The following NALCN variants were observed in gnomAD, a reference collection of about 807,000 sequenced individuals.
The protein encoded by NALCN is sodium leak channel, non-selective.
Under a neutral mutation model 225.3 loss-of-function variants are expected in NALCN, and 111 were observed. That is an observed-to-expected ratio of 0.49 (90% CI 0.42 to 0.58). The LOEUF (loss-of-function observed/expected upper bound fraction) is 0.58. Ranked by LOEUF, NALCN falls within the 20% of genes least tolerant of loss-of-function variation. The pLI is 0.00. For missense variants in NALCN, 1,378 were observed against 2,202.4 expected, an observed-to-expected ratio of 0.63 and a Z score of 7.49; for synonymous variants, 764 against 769.0, an observed-to-expected ratio of 0.99 and a Z score of 0.11.
intron 17 of NALCN, among the ~76,000 whole-genome samples, chr13:101,134,210 C>T (rs369549740): frequency 3.3e-5 from 5 of 152,202 alleles, no homozygotes; most frequent in South Asian, 4.2e-4. Flanking sequence ...CCTATTGTAA[C>T]TTATTTCAAT....
At chr13:101,258,063 C>T (rs944730366) in intron 11 of NALCN, among the ~76,000 whole-genome samples, 2 of 152,130 alleles carry the variant, frequency 1.3e-5, no homozygotes, top group African/African-American at 4.8e-5. Context: ...CTACGTATTG[C>T]TGAGCTGACC....
At position 101,171,229 on chromosome 13, in the gene NALCN, T is replaced by C. The variant is rs372780492; in HGVS notation, c.1839+5071A>G. On this transcript the variant is annotated intron_variant, in intron 15 of 43. Coordinates refer to ENST00000251127, the MANE Select transcript of NALCN (RefSeq NM_052867.4). ...TATAAAAAATATAATTTTTATATAC[T>C]GTTACATATATTACACACATTATGT... 4.0e-5 allele frequency among the ~76,000 whole-genome samples: 6 copies of C among 148,816 alleles called. No individual in the cohort carries two copies. In the South Asian group the frequency reaches 1.3e-3, roughly 32 times the overall value.
intron 15 of NALCN, among the ~76,000 whole-genome samples, chr13:101,173,587 C>T (rs1312421264): frequency 6.6e-6 from 1 of 152,066 alleles, no homozygotes; most frequent in East Asian, 1.9e-4. Flanking sequence ...AAGAATTCAA[C>T]CAATGTCACC....
chr13:101,070,290 TCTC>T (rs1046899743), intron 37 of NALCN, among the ~76,000 whole-genome samples: 48 of 152,124 alleles, frequency 3.2e-4, no homozygotes, highest in African/African-American at 1.2e-3. Flanking sequence ...ATGGTCTCGA[TCTC>T]CTGACCTCGT....
intron 7 of NALCN, among the ~76,000 whole-genome samples, chr13:101,329,926 C>A (rs2045100765): frequency 6.6e-6 from 1 of 151,856 alleles, no homozygotes; most frequent in South Asian, 2.1e-4. Context: ...GTAGTCCCAG[C>A]TACTTGGGAG....
intron 10 of NALCN, among the ~76,000 whole-genome samples, chr13:101,275,530 A>T (rs184547988): frequency 5.9e-5 from 9 of 152,278 alleles, no homozygotes; most frequent in Admixed American, 5.9e-4. Flanking sequence ...GTCGCGTACC[A>T]CTGGTAGGTA....
chr13:101,186,454 A>G (rs577437945), intron 14 of NALCN, among the ~76,000 whole-genome samples: 1 of 152,316 alleles, frequency 6.6e-6, no homozygotes, highest in South Asian at 2.1e-4. Context: ...CATAAAGCCC[A>G]TTACAGTAAC....
intron 1 of NALCN, among the ~76,000 whole-genome samples, chr13:101,403,619 C>A (rs1386739208): frequency 6.6e-6 from 1 of 152,122 alleles, no homozygotes; most frequent in African/African-American, 2.4e-5. Flanking sequence ...TCTAAAAAGC[C>A]CCAAAGAAGA....
intron 18 of NALCN, among the ~76,000 whole-genome samples, chr13:101,119,372 A>ATAAG (rs1431258906): frequency 6.6e-6 from 1 of 152,214 alleles, no homozygotes; most frequent in Non-Finnish European, 1.5e-5. Flanking sequence ...AGTTATTAAT[A>ATAAG]TAAGTGCATG....
chr13:101,143,248 A>C (rs1167516884), intron 16 of NALCN, 27 bp from the exon 17 acceptor site: 3 of 1,571,118 alleles, frequency 1.9e-6, no homozygotes, highest in Non-Finnish European at 2.6e-6. Context: ...TATGTGCATC[A>C]GGCATTATTA....
At chr13:101,134,184 A>G (rs550172753) in intron 17 of NALCN, among the ~76,000 whole-genome samples, 1 of 151,478 alleles carries the variant, frequency 6.6e-6, no homozygotes, top group African/African-American at 2.4e-5. Context: ...AAACAAACAA[A>G]CAAAAAAAAA....
chr13:101,369,629 C>T (rs1393103995), intron 6 of NALCN, among the ~76,000 whole-genome samples: 1 of 152,138 alleles, frequency 6.6e-6, no homozygotes, highest in Non-Finnish European at 1.5e-5. Context: ...TAATTTGAAG[C>T]CAGCCTCTGT....
chr13:101,356,463 C>A (rs1211694627), intron 6 of NALCN, among the ~76,000 whole-genome samples: 1 of 152,116 alleles, frequency 6.6e-6, no homozygotes, highest in East Asian at 1.9e-4. Context: ...TGGATAAATT[C>A]TTGGACACAC....
In NALCN at chr13:101,055,521, G is replaced by A. The variant is rs1376891631; in HGVS notation, c.5024-33C>T. ...ATTAATGAGTCCTATGAGCCACTTG[G>A]TATTGCTTCACCCTATTGTAATCAC... On this transcript the variant is annotated intron_variant, in intron 43 of 43. Coordinates refer to ENST00000251127, the MANE Select transcript of NALCN (RefSeq NM_052867.4). 2.5e-6 allele frequency: 4 copies of A among 1,587,568 alleles called. No homozygotes were observed. The African/African-American group carries it at 5.4e-5, about 21-fold the overall frequency.
intron 17 of NALCN, chr13:101,142,641 C>T: frequency 6.0e-6 from 1 of 165,832 alleles, no homozygotes; most frequent in East Asian, 1.7e-4. Context: ...AAGTTCCTGC[C>T]ACATACTAAG....
At chr13:101,388,158 T>A (rs1426249894) in intron 3 of NALCN, among the ~76,000 whole-genome samples, 28 of 152,124 alleles carry the variant, frequency 1.8e-4, no homozygotes, top group Admixed American at 1.8e-3. Context: ...TGGTAAAAAT[T>A]TAGTGAGTTG....
intron 6 of NALCN, among the ~76,000 whole-genome samples, chr13:101,364,021 T>A (rs1009774949): frequency 1.3e-5 from 2 of 152,058 alleles, no homozygotes; most frequent in African/African-American, 4.8e-5. Context: ...AAATAAAAGC[T>A]ACAGTGAAAT....
intron 13 of NALCN, among the ~76,000 whole-genome samples, chr13:101,195,944 G>A (rs1271895223): frequency 6.6e-6 from 1 of 152,018 alleles, no homozygotes; most frequent in Middle Eastern, 3.2e-3. Flanking sequence ...TCATAATTGG[G>A]TCATCCGTGC....
At chr13:101,230,267 C>T (rs12869116) in intron 12 of NALCN, among the ~76,000 whole-genome samples, 27,120 of 152,152 alleles carry the variant, frequency 0.18, 2,596 homozygotes, top group East Asian at 0.36. Flanking sequence ...GTTATATTCA[C>T]TGTCTCATAA....
Sources: allele counts gnomAD v4.1 joint callset (sites outside exome capture counted in the v4.1 genomes callset), GRCh38; gene constraint gnomAD v4.1.1; transcripts MANE v1.5; gene names NCBI Gene and HGNC (gene_info 2026-07-23, HGNC 2026-07-21).